ANKS6: variants seen among roughly 807,000 people sequenced by gnomAD.
ANKS6 encodes the protein ankyrin repeat and SAM domain-containing protein 6.
In ANKS6, 47 loss-of-function variants were observed where a neutral mutation model predicts 77.9. That is an observed-to-expected ratio of 0.60 (90% CI 0.48 to 0.77). The LOEUF (loss-of-function observed/expected upper bound fraction) is 0.77, where lower values mean the gene tolerates loss of function less well. ANKS6 is among the 30% of genes least tolerant of loss of function. The pLI, the probability that ANKS6 is intolerant of heterozygous loss-of-function variation, is 0.00. For synonymous variants in ANKS6, 488 were observed against 501.7 expected, an observed-to-expected ratio of 0.97 and a Z score of 0.37; for missense variants, 1,150 against 1,159.1, an observed-to-expected ratio of 0.99 and a Z score of 0.11.
intron 12 of ANKS6, among the ~76,000 whole-genome samples, chr9:98,751,408 C>T (rs1036766516): frequency 6.6e-6 from 1 of 152,170 alleles, no homozygotes; most frequent in African/African-American, 2.4e-5. Flanking sequence ...CTGGAAGTTC[C>T]AGCTGCCAGA....
intron 1 of ANKS6, among the ~76,000 whole-genome samples, chr9:98,792,985 T>C (rs73493970): frequency 0.044 from 6,764 of 152,320 alleles, 492 homozygotes; most frequent in African/African-American, 0.15. Flanking sequence ...ATGCTAAGTT[T>C]CTAATAGGTA....
Position 98,792,086 on chromosome 9 carries a change from G to C in ANKS6, c.360-1480C>G, listed in dbSNP as rs567460888. 2.0e-5 allele frequency among the ~76,000 whole-genome samples: 3 copies of C among 152,192 alleles called. No homozygotes were observed. The South Asian group carries it at 6.2e-4, about 32-fold the overall frequency. On this transcript the variant is annotated intron_variant, in intron 1 of 14. Transcript: ENST00000353234. The stretch of plus-strand genomic sequence containing the variant: ...CCAAATCTGTCACTCCCCAGCTTCT[G>C]ATTGCCGAAGACCTGACTGCTTTGC...
At chr9:98,739,283 AAACAACAAC>A (rs1216302425) in intron 14 of ANKS6, among the ~76,000 whole-genome samples, 1 of 152,168 alleles carries the variant, frequency 6.6e-6, no homozygotes, top group Non-Finnish European at 1.5e-5. Context: ...AAAAAATTAA[AAACAACAAC>A]AACGACAACA....
intron 14 of ANKS6, among the ~76,000 whole-genome samples, chr9:98,739,418 C>T (rs1770081129): frequency 1.3e-5 from 2 of 152,268 alleles, no homozygotes; most frequent in African/African-American, 4.8e-5. Flanking sequence ...CCAGCCTGGG[C>T]AACAGAGCGA....
At position 98,780,578 on chromosome 9, in the gene ANKS6, G is replaced by C. The variant is rs567988732; in HGVS notation, c.1220-241C>G. On this transcript the variant is annotated intron_variant, in intron 5 of 14. Transcript: ENST00000353234. ...AAGTCCTCTCTCATGAGGAAGGCAG[G>C]GGGACAGTGTGTTTAAAAGTGCAGG... Among the ~76,000 whole-genome samples the C allele has an allele frequency of 2.0e-5, 3 of 152,338 alleles. No individual in the cohort carries two copies. The South Asian group carries it at 6.2e-4, about 32-fold the overall frequency.
In ANKS6 at chr9:98,734,159, T is replaced by A; in HGVS notation, c.*2360A>T. On this transcript the variant is annotated 3_prime_UTR_variant, in exon 15 of 15. Coordinates refer to ENST00000353234, the MANE Select transcript of ANKS6 (RefSeq NM_173551.5). The stretch of plus-strand genomic sequence containing the variant: ...CCCCAGAAAGGGTGCCAGGGACCTC[T>A]TGTGAACCAGCACACAAACTTCCTA... The A allele has an allele frequency of 8.1e-6, 8 of 985,424 alleles. No individual in the cohort carries two copies. The highest frequency in any genetic ancestry group is 9.6e-6 in the Non-Finnish European group (8 of 829,960). 61.0% of individuals were successfully genotyped at this position (985,424 alleles called of 1,614,324 possible). A position where few individuals can be genotyped will look rare whatever the true frequency, so the allele number is the denominator to read the frequency against.
Position 98,786,394 on chromosome 9 carries a change from C to T in ANKS6, c.863-1518G>A, listed in dbSNP as rs183107006. Among the ~76,000 whole-genome samples the T allele has an allele frequency of 2.6e-5, 4 of 151,530 alleles. No individual in the cohort carries two copies. In the East Asian group the frequency reaches 5.8e-4, roughly 22 times the overall value. On this transcript the variant is annotated intron_variant, in intron 2 of 14. Transcript: ENST00000353234. ...GCAACCTCTGCCTCCCGGGTTCAAG[C>T]GATTCTCCTGCCTCTGCTTCCAGAA...
chr9:98,740,087 TCTCTGG>T (rs1831740619), intron 14 of ANKS6, among the ~76,000 whole-genome samples: 3 of 152,114 alleles, frequency 2.0e-5, no homozygotes, highest in Non-Finnish European at 4.4e-5. Context: ...AAATGTATCA[TCTCTGG>T]CAGACTGTTC....
At chr9:98,744,191 T>C (rs1435472519) in intron 14 of ANKS6, among the ~76,000 whole-genome samples, 2 of 152,220 alleles carry the variant, frequency 1.3e-5, no homozygotes, top group Admixed American at 6.5e-5. Context: ...GGAGGAAAAC[T>C]ACTTGGCCTT....
intron 1 of ANKS6, among the ~76,000 whole-genome samples, chr9:98,794,790 C>A (rs541770905): frequency 5.2e-4 from 79 of 152,260 alleles, no homozygotes; most frequent in Middle Eastern, 3.4e-3. Flanking sequence ...TCAGTGGCTC[C>A]CAAACCTACC....
At chr9:98,771,616 A>G (rs910411233) in intron 9 of ANKS6, among the ~76,000 whole-genome samples, 1 of 152,088 alleles carries the variant, frequency 6.6e-6, no homozygotes, top group Non-Finnish European at 1.5e-5. Context: ...CAGGCACACC[A>G]ACCTCCTTTG....
chr9:98,735,908 C>G lies in ANKS6; in HGVS notation c.*611G>C. 2 of 1,231,404 alleles carry G rather than the reference C, an allele frequency of 1.6e-6. No individual in the cohort carries two copies. The highest frequency in any genetic ancestry group is 2.0e-6 in the Non-Finnish European group (2 of 988,326). The allele number at this position is 1,231,404 out of a possible 1,614,324, so 76.3% of individuals were successfully genotyped here. On this transcript the variant is annotated 3_prime_UTR_variant, in exon 15 of 15. Coordinates refer to ENST00000353234, the MANE Select transcript of ANKS6 (RefSeq NM_173551.5). ...GTGGCTGAAAGGGGGTCAAAAAAGA[C>G]TTCATCTGAGAGGTGACTTGGACTA...
intron 12 of ANKS6, among the ~76,000 whole-genome samples, chr9:98,754,718 C>T (rs1046109818): frequency 5.9e-5 from 9 of 152,010 alleles, no homozygotes; most frequent in Admixed American, 2.0e-4. Flanking sequence ...ACAAAGGGCT[C>T]GCTGCCTCAG....
intron 12 of ANKS6, 29 bp downstream of exon 12, chr9:98,756,391 G>A (rs1380422292): frequency 1.9e-6 from 3 of 1,604,210 alleles, no homozygotes; most frequent in Non-Finnish European, 2.6e-6. Flanking sequence ...AGAGGAATAG[G>A]TGGGGTTTCA....
At chr9:98,745,107 T>C (rs751229869) in intron 14 of ANKS6, among the ~76,000 whole-genome samples, 2 of 152,310 alleles carry the variant, frequency 1.3e-5, no homozygotes, top group Non-Finnish European at 2.9e-5. Flanking sequence ...AAGCCGACAA[T>C]AGTGACTGAC....
chr9:98,769,699 G>A (rs1833516984), intron 10 of ANKS6, among the ~76,000 whole-genome samples: 1 of 152,182 alleles, frequency 6.6e-6, no homozygotes, highest in African/African-American at 2.4e-5. Context: ...TCCTGGCTCT[G>A]CCAACTAATA....
In ANKS6 at chr9:98,734,596, G is replaced by C. The variant is rs1831386269; in HGVS notation, c.*1923C>G. On this transcript the variant is annotated 3_prime_UTR_variant, in exon 15 of 15. Coordinates refer to ENST00000353234, the MANE Select transcript of ANKS6 (RefSeq NM_173551.5). ...ATAGGAGTTAGTGGAAAAGGCACAG[G>C]CTTGCAAGCCCACCAGGTCCGGTTC... is the stretch of plus-strand genomic sequence containing the variant. 1 of 984,818 alleles carries C rather than the reference G, an allele frequency of 1.0e-6. No homozygotes were observed. Among genetic ancestry groups the C allele is most frequent in the Admixed American group, 6.1e-5 (1 of 16,284 alleles). 61.0% of individuals were successfully genotyped at this position (984,818 alleles called of 1,614,324 possible).
Position 98,784,018 on chromosome 9 carries a change from G to A in ANKS6, c.1047C>T (p.His349=), listed in dbSNP as rs760482276. ...CGCTGTCCTGCTTGTCAACATCCGC[G>A]TGCCTCTCCACCAGCAGCTGCACCA... ...LALVQLLVER[H]ADVDKQDSVH... Residue 349 remains histidine (H), a synonymous_variant, in exon 4 of 15, where the codon CAC becomes CAT. Coordinates refer to ENST00000353234, the MANE Select transcript of ANKS6 (RefSeq NM_173551.5). The A allele has an allele frequency of 6.8e-6, 11 of 1,610,750 alleles. No homozygotes were observed. The highest frequency in any genetic ancestry group is 2.7e-5 in the African/African-American group (2 of 74,778).
chr9:98,796,317 C>A lies in ANKS6; in HGVS notation c.175G>T (p.Ala59Ser). ...PAGAEVAGPG[A>S]AAAGAVGAPV... is the part of the protein sequence containing the mutation. ...GCCCCGACTGCCCCCGCCGCTGCGG[C>A]CCCGGGCCCGGCCACCTCGGCCCCC... Residue 59 changes from alanine (A) to serine (S), a missense_variant, in exon 1 of 15, where the codon GCC becomes TCC. Transcript: ENST00000353234. The A allele has an allele frequency of 8.1e-7, 1 of 1,230,892 alleles. No homozygotes were observed. Among genetic ancestry groups the A allele is most frequent in the Admixed American group, 4.2e-5 (1 of 23,630 alleles). The allele number at this position is 1,230,892 out of a possible 1,614,324, so 76.2% of individuals were successfully genotyped here.
Sources: gnomAD v4.1 joint callset for allele counts (sites outside exome capture counted in the v4.1 genomes callset) on GRCh38, gnomAD v4.1.1 for gene constraint, MANE v1.5 for transcripts, NCBI Gene and HGNC (gene_info 2026-07-23, HGNC 2026-07-21) for gene names.